Variants in SDK2 observed in about 807,000 individuals in gnomAD.
The protein encoded by SDK2 is protein sidekick-2.
Under a neutral mutation model 253.9 loss-of-function variants are expected in SDK2, and 105 were observed. The observed-to-expected ratio is 0.41, with a 90% CI of 0.35 to 0.49. SDK2 has a LOEUF of 0.49. SDK2 is among the 20% of genes least tolerant of loss of function. SDK2 has a pLI of 0.06. For synonymous variants in SDK2, 1,249 were observed against 1,234.9 expected (o/e 1.01, Z -0.24); for missense variants, 2,608 against 3,003.0 (o/e 0.87, Z 3.07).
chr17:73,635,319 C>T (rs2046316842), intron 1 of SDK2, among the ~76,000 whole-genome samples: 1 of 152,066 alleles, frequency 6.6e-6, no homozygotes, highest in Admixed American at 6.6e-5. Context: ...CTCTGCTGTC[C>T]CGTCTGGGCC....
At chr17:73,544,543 C>T (rs1168583173) in intron 1 of SDK2, among the ~76,000 whole-genome samples, 2 of 152,064 alleles carry the variant, frequency 1.3e-5, no homozygotes, top group Non-Finnish European at 2.9e-5. Flanking sequence ...GATGGATAAA[C>T]AGATGGATGG....
At chr17:73,521,318 G>A (rs1229274579) in intron 1 of SDK2, 1 of 151,816 alleles carries the variant, frequency 6.6e-6, no homozygotes, top group African/African-American at 2.4e-5. Flanking sequence ...TAGGATTAAG[G>A]CATGAGTCAG....
chr17:73,490,525 TTTTTTTTTTTTTTTTTGAGATGGG>T (rs370017972), intron 2 of SDK2, among the ~76,000 whole-genome samples: 64 of 139,614 alleles, frequency 4.6e-4, no homozygotes, highest in African/African-American at 1.7e-3. Context: ...CAGGCAGTGT[TTTTTTTTTTTTTTTTTGAGATGGG>T]TTTTTTTTTT....
chr17:73,476,514 T>G (rs2063686995), intron 2 of SDK2, among the ~76,000 whole-genome samples: 1 of 152,270 alleles, frequency 6.6e-6, no homozygotes, highest in African/African-American at 2.4e-5. Context: ...AATTTAAGCA[T>G]ACATTATAAA....
chr17:73,546,077 A>C (rs11657442), intron 1 of SDK2, among the ~76,000 whole-genome samples: 28,089 of 150,994 alleles, frequency 0.19, 2,867 homozygotes, highest in African/African-American at 0.27. Context: ...GCTTTTCAGG[A>C]AAGTGTTGGG....
chr17:73,368,643 T>A, intron 36 of SDK2, 50 bp from the exon 37 acceptor site: 1 of 1,400,974 alleles, frequency 7.1e-7, no homozygotes, highest in Non-Finnish European at 9.6e-7. Context: ...GCAATGAGAG[T>A]CCCTCCTGTC....
In SDK2 at chr17:73,391,468, G is replaced by A. The variant is rs2062927520; in HGVS notation, c.3969C>T (p.Pro1323=). The stretch of plus-strand genomic sequence containing the variant: ...GAATGATGCCATTGGGGGCGGCAGG[G>A]GGCTGCCAGATCAGCCGCACAGACG... ...RTTSVRLIWQ[P]PAAPNGIILA... Residue 1323 remains proline, a synonymous_variant, in exon 28 of 45, where the codon CCC becomes CCT. Coordinates refer to ENST00000392650, the MANE Select transcript of SDK2 (RefSeq NM_001144952.2). 1 of 1,310,232 alleles carries A rather than the reference G, an allele frequency of 7.6e-7. No homozygotes were observed. The highest frequency in any genetic ancestry group is 9.8e-7 in the Non-Finnish European group (1 of 1,020,780). 81.2% of individuals were successfully genotyped at this position (1,310,232 alleles called of 1,614,324 possible).
At chr17:73,508,697 G>A (rs894927742) in intron 1 of SDK2, among the ~76,000 whole-genome samples, 7 of 152,166 alleles carry the variant, frequency 4.6e-5, no homozygotes, top group Admixed American at 1.3e-4. Context: ...AGGCCTCGAG[G>A]GGTTAGAAAC....
rs1328450219 is a variant in SDK2 at position 73,469,992 on chromosome 17, G to GCGCGCACA, written c.331+2119_331+2120insTGTGCGCG. Among the ~76,000 whole-genome samples the GCGCGCACA allele has an allele frequency of 7.6e-3, 959 of 126,256 alleles. 6 individuals carry two copies. The highest frequency in any genetic ancestry group is 0.017 in the Admixed American group (214 of 12,784). 82.8% of individuals were successfully genotyped at this position (126,256 alleles called of 152,430 possible). A position where few individuals can be genotyped will look rare whatever the true frequency, so the allele number is the denominator to read the frequency against. ...ATGGCATTTGCGACTGCGCGCGCGCGCACACACACACACACACACACACAC... is the reference window on the plus strand; with the variant it reads ...ATGGCATTTGCGACTGCGCGCGCGCGCGCGCACACACACACACACACACACACACACAC... On this transcript the variant is annotated intron_variant, in intron 3 of 44. Transcript: ENST00000392650.
intron 40 of SDK2, among the ~76,000 whole-genome samples, chr17:73,353,562 A>T (rs957958489): frequency 6.6e-6 from 1 of 151,836 alleles, no homozygotes; most frequent in Non-Finnish European, 1.5e-5. Flanking sequence ...ACCATGCCTG[A>T]CTAATTTTGT....
At chr17:73,351,673 C>G (rs1032134448) in intron 41 of SDK2, among the ~76,000 whole-genome samples, 1 of 152,082 alleles carries the variant, frequency 6.6e-6, no homozygotes, top group African/African-American at 2.4e-5. Flanking sequence ...ATGTCTCTTC[C>G]AGGTAGAGCT....
intron 16 of SDK2, among the ~76,000 whole-genome samples, chr17:73,417,041 C>T (rs537503421): frequency 1.3e-5 from 2 of 152,088 alleles, no homozygotes; most frequent in East Asian, 3.9e-4. Context: ...TGTTAATCGA[C>T]TGGTTATAGG....
rs1048050717 is a variant in SDK2 at position 73,570,999 on chromosome 17, G to C, written c.65-63402C>G. ...GCTGCTGGGACCTTCCCAATGCCTGGGTGAAACTCCAGAGAACGAACTCTG... is the reference window on the plus strand; with the variant it reads ...GCTGCTGGGACCTTCCCAATGCCTGCGTGAAACTCCAGAGAACGAACTCTG... On this transcript the variant is annotated intron_variant, in intron 1 of 44. Coordinates refer to ENST00000392650, the MANE Select transcript of SDK2 (RefSeq NM_001144952.2). The surrounding 1 kb of genome is among the most constrained non-coding windows in gnomAD (Gnocchi z 4.2). 6.6e-6 allele frequency among the ~76,000 whole-genome samples: 1 copy of C among 152,044 alleles called. No individual in the cohort carries two copies. The highest frequency in any genetic ancestry group is 1.5e-5 in the Non-Finnish European group (1 of 68,000).
chr17:73,516,348 C>G (rs565331856), intron 1 of SDK2, among the ~76,000 whole-genome samples: 1 of 152,332 alleles, frequency 6.6e-6, no homozygotes, highest in South Asian at 2.1e-4. Context: ...CGGCCCCTGC[C>G]CTTCAGAAGA....
intron 2 of SDK2, among the ~76,000 whole-genome samples, chr17:73,503,695 C>T (rs1994162): frequency 0.6 from 91,723 of 152,104 alleles, 28,137 homozygotes; most frequent in Non-Finnish European, 0.66. Context: ...TTCCCTACCA[C>T]GTGGCTGTAG....
At chr17:73,522,520 T>C (rs1207224259) in intron 1 of SDK2, among the ~76,000 whole-genome samples, 1 of 152,242 alleles carries the variant, frequency 6.6e-6, no homozygotes, top group Non-Finnish European at 1.5e-5. Flanking sequence ...GTCTCTGCTC[T>C]TCTGCTTTGA....
At position 73,484,214 on chromosome 17, in the gene SDK2, T is replaced by C. The variant is rs373510345; in HGVS notation, c.225-11996A>G. The stretch of plus-strand genomic sequence containing the variant: ...CTGAAATTCTTTATGATTCTTTTCA[T>C]GCCAAGGTGGATCAGAAAGAAACCA... On this transcript the variant is annotated intron_variant, in intron 2 of 44. Transcript: ENST00000392650. 1.3e-3 allele frequency among the ~76,000 whole-genome samples: 196 copies of C among 152,276 alleles called. 1 individual carries two copies. Among genetic ancestry groups the C allele is most frequent in the African/African-American group, 4.5e-3 (187 of 41,574 alleles).
intron 12 of SDK2, 49 bp downstream of exon 12, chr17:73,430,462 C>T: frequency 7.1e-7 from 1 of 1,410,292 alleles, no homozygotes; most frequent in Non-Finnish European, 9.9e-7. Flanking sequence ...AAGCTATTGC[C>T]AGAGGCTCCC....
rs192520492 is a variant in SDK2 at position 73,550,760 on chromosome 17, G to T, written c.65-43163C>A. Among the ~76,000 whole-genome samples, 190 of 152,330 alleles carry T rather than the reference G, an allele frequency of 1.2e-3. 1 individual carries two copies. The highest frequency in any genetic ancestry group is 2.1e-3 in the Non-Finnish European group (144 of 68,024). ...TGATAATCAGCGAGAAGCCCAGCGG[G>T]GGACAGTGAGGTAACCCAGAGATCG... On this transcript the variant is annotated intron_variant, in intron 1 of 44. Transcript: ENST00000392650.
Sources: allele counts gnomAD v4.1 joint callset (sites outside exome capture counted in the v4.1 genomes callset), GRCh38; gene constraint gnomAD v4.1.1; non-coding constraint Gnocchi (gnomAD v3.1); transcripts MANE v1.5; gene names NCBI Gene and HGNC (gene_info 2026-07-23, HGNC 2026-07-21).